Variants in TAB2 observed in about 807,000 individuals in gnomAD.
TAB2 encodes TGF-beta-activated kinase 1 and MAP3K7-binding protein 2.
TAB2 carries 3 observed loss-of-function variants against 65.0 expected under a neutral mutation model. That is an observed-to-expected ratio of 0.05 (90% confidence interval 0.02 to 0.12). The LOEUF (loss-of-function observed/expected upper bound fraction) is 0.12. Among genes scored for constraint, TAB2 ranks in the 10% least tolerant of loss-of-function variants. The pLI, the probability that TAB2 is intolerant of heterozygous loss-of-function variation, is 1.00. For synonymous variants in TAB2, 298 were observed against 285.1 expected (o/e 1.05, Z -0.46); for missense variants, 623 against 840.3 (o/e 0.74, Z 3.20).
intron 1 of TAB2, among the ~76,000 whole-genome samples, chr6:149,220,166 T>C (rs948548949): frequency 6.6e-6 from 1 of 152,228 alleles, no homozygotes; most frequent in Admixed American, 6.5e-5. Context: ...TTCAATCTGT[T>C]ACGCTGTCTT....
chr6:149,343,353 C>G (rs1230435710), intron 1 of TAB2, among the ~76,000 whole-genome samples: 3 of 152,076 alleles, frequency 2.0e-5, no homozygotes, highest in Admixed American at 1.3e-4. Flanking sequence ...CACCTGTAGT[C>G]CCAGCTGCTT....
At chr6:149,230,690 A>G in intron 1 of TAB2, among the ~76,000 whole-genome samples, 1 of 152,212 alleles carries the variant, frequency 6.6e-6, no homozygotes, top group Non-Finnish European at 1.5e-5. Flanking sequence ...TAATCCACAC[A>G]GGACAGGGAA....
At chr6:149,377,866 C>A in intron 2 of TAB2, 152 bp from the exon 3 acceptor site, 1 of 660,996 alleles carries the variant, frequency 1.5e-6, no homozygotes, top group Non-Finnish European at 2.6e-6. Flanking sequence ...TTAATTCAAT[C>A]ATTTGCATAA....
intron 1 of TAB2, among the ~76,000 whole-genome samples, chr6:149,259,008 G>T (rs906967475): frequency 1.3e-5 from 2 of 152,088 alleles, no homozygotes; most frequent in South Asian, 4.1e-4. Flanking sequence ...ACCTCTAGAC[G>T]CTAGAAAGGG....
At chr6:149,409,539 A>G (rs959146488) in intron 6 of TAB2, 38 bp from the exon 7 acceptor site, 1 of 1,595,106 alleles carries the variant, frequency 6.3e-7, no homozygotes, top group African/African-American at 1.3e-5. Flanking sequence ...AGACTTTGTG[A>G]TTTTTTACTT....
At chr6:149,309,735 T>A (rs1779135726) in intron 1 of TAB2, among the ~76,000 whole-genome samples, 1 of 152,144 alleles carries the variant, frequency 6.6e-6, no homozygotes, top group Admixed American at 6.5e-5. Flanking sequence ...GTCTAGCTAT[T>A]CTTCTTCATT....
Position 149,378,959 on chromosome 6 carries a change from C to T in TAB2, c.1044C>T (p.Thr348=), listed in dbSNP as rs753999815. The change falls in exon 3 of 7, where the codon ACC becomes ACT. Residue 348 remains threonine (T), a synonymous_variant. Coordinates refer to ENST00000637181, the MANE Select transcript of TAB2 (RefSeq NM_001292034.3). ...SSKLRSSGPR[T]SSTSSSVNSQ... is the part of the protein sequence containing the mutation. ...AACTGCGTTCTTCTGGACCTCGAAC[C>T]TCCAGCACTTCCTCTTCAGTCAATA... is the stretch of plus-strand genomic sequence containing the variant. 6.2e-7 allele frequency: 1 copy of T among 1,614,178 alleles called. No homozygotes were observed. Among genetic ancestry groups the T allele is most frequent in the South Asian group, 1.1e-5 (1 of 91,088 alleles).
At chr6:149,304,618 ACT>A (rs369737090) in intron 1 of TAB2, among the ~76,000 whole-genome samples, 4 of 152,166 alleles carry the variant, frequency 2.6e-5, no homozygotes, top group African/African-American at 9.7e-5. Flanking sequence ...AGGTCCCGAC[ACT>A]CTGCCTTCAC....
chr6:149,408,432 C>T (rs1399602108), intron 6 of TAB2, among the ~76,000 whole-genome samples: 2 of 152,070 alleles, frequency 1.3e-5, no homozygotes, highest in African/African-American at 4.8e-5. Context: ...TAAAGGGGTA[C>T]AAAGTACCAA....
intron 1 of TAB2, among the ~76,000 whole-genome samples, chr6:149,365,245 T>C (rs1781001951): frequency 6.6e-6 from 1 of 152,180 alleles, no homozygotes; most frequent in Non-Finnish European, 1.5e-5. Flanking sequence ...ACAGAGTAAA[T>C]TTATAAGATA....
At chr6:149,297,532 C>A (rs47546) in intron 1 of TAB2, among the ~76,000 whole-genome samples, 2 of 151,800 alleles carry the variant, frequency 1.3e-5, no homozygotes, top group African/African-American at 4.8e-5. Flanking sequence ...GCACACTTTT[C>A]TTTCTCTTTT....
intron 1 of TAB2, among the ~76,000 whole-genome samples, chr6:149,355,854 C>G (rs553254124): frequency 2.6e-5 from 4 of 152,174 alleles, no homozygotes; most frequent in African/African-American, 9.6e-5. Context: ...AGAAATATTG[C>G]ATCTGCTGCT....
At chr6:149,357,421 G>A (rs498416) in intron 1 of TAB2, among the ~76,000 whole-genome samples, 37,150 of 105,388 alleles carry the variant, frequency 0.35, 6,833 homozygotes, top group East Asian at 0.58. Context: ...GTCTCAAGGA[G>A]AAAAAAAAAA....
chr6:149,233,871 T>A (rs1777449347), intron 1 of TAB2, among the ~76,000 whole-genome samples: 1 of 152,280 alleles, frequency 6.6e-6, no homozygotes, highest in Non-Finnish European at 1.5e-5. Context: ...AACAATAATA[T>A]AATTTTTTTA....
chr6:149,349,382 T>C (rs962823899), intron 1 of TAB2, among the ~76,000 whole-genome samples: 1 of 145,358 alleles, frequency 6.9e-6, no homozygotes, highest in African/African-American at 2.6e-5. Context: ...ATCACTCCAC[T>C]GCACTCCAGC....
chr6:149,377,195 C>G (rs1396992217), intron 2 of TAB2, among the ~76,000 whole-genome samples: 1 of 151,452 alleles, frequency 6.6e-6, no homozygotes, highest in Non-Finnish European at 1.5e-5. Context: ...TCAGCCTCTC[C>G]GAGTAGCTGG....
chr6:149,370,175 A>G, intron 2 of TAB2, 76 bp downstream of exon 2: 2 of 1,245,336 alleles, frequency 1.6e-6, no homozygotes, highest in Non-Finnish European at 2.3e-6. Flanking sequence ...AAACTCTTTT[A>G]GGTTATCTTC....
intron 3 of TAB2, among the ~76,000 whole-genome samples, chr6:149,381,016 A>C (rs573662530): frequency 2.0e-5 from 3 of 152,288 alleles, no homozygotes; most frequent in African/African-American, 7.2e-5. Context: ...CTAAAGTGGG[A>C]GGACTGCTTG....
chr6:149,325,416 G>C (rs1779570634), intron 1 of TAB2, among the ~76,000 whole-genome samples: 1 of 152,030 alleles, frequency 6.6e-6, no homozygotes, highest in African/African-American at 2.4e-5. Flanking sequence ...TCAACAAATA[G>C]AATGAAAAAA....
Sources: allele counts gnomAD v4.1 joint callset (sites outside exome capture counted in the v4.1 genomes callset), GRCh38; gene constraint gnomAD v4.1.1; transcripts MANE v1.5; gene names NCBI Gene and HGNC (gene_info 2026-07-23, HGNC 2026-07-21).